Variants in SELENOO observed in about 807,000 individuals in gnomAD.
SELENOO encodes the protein selenoprotein O, also known as protein adenylyltransferase SelO, mitochondrial.
In SELENOO, 74 loss-of-function variants were observed where a neutral mutation model predicts 58.7. The ratio of observed to expected loss-of-function variants is 1.26; its 90% CI spans 1.04 to 1.53. The LOEUF (loss-of-function observed/expected upper bound fraction) is 1.53. SELENOO is among the 40% of genes most tolerant of loss of function. The pLI, the probability that SELENOO is intolerant of heterozygous loss-of-function variation, is 0.00. For synonymous variants in SELENOO, 543 were observed against 453.2 expected (o/e 1.20, Z -2.52); for missense variants, 1,149 against 970.0 (o/e 1.18, Z -2.45).
At chr22:50,210,398 C>A in intron 4 of SELENOO, 87 bp downstream of exon 4, 1 of 1,522,064 alleles carries the variant, frequency 6.6e-7, no homozygotes, top group Non-Finnish European at 8.9e-7. Context: ...AGGCACTGGC[C>A]CGTGATGCTT....
At chr22:50,215,598 A>C (rs2147167049) in intron 5 of SELENOO, 119 bp from the exon 6 acceptor site, 4 of 645,114 alleles carry the variant, frequency 6.2e-6, no homozygotes, top group Non-Finnish European at 9.5e-6. Flanking sequence ...GTGGTGGAGC[A>C]TGTGGGTGGG....
At chr22:50,203,122 C>A (rs900535979) in intron 1 of SELENOO, among the ~76,000 whole-genome samples, 3 of 152,152 alleles carry the variant, frequency 2.0e-5, no homozygotes, top group Non-Finnish European at 4.4e-5. Context: ...TCCTGTAATC[C>A]CAGCACTTTG....
Position 50,217,106 on chromosome 22 carries a change from C to T in SELENOO, c.1823C>T (p.Ala608Val). The T allele has an allele frequency of 1.9e-6, 3 of 1,612,978 alleles. No homozygotes were observed. The highest frequency in any genetic ancestry group is 2.5e-6 in the Non-Finnish European group (3 of 1,179,894). Residue 608 changes from alanine (A) to valine (V), a missense_variant, in exon 8 of 9, where the codon GCC becomes GTC. Ala to Val is a moderately conservative substitution (Grantham distance 64, BLOSUM62 0). Transcript: ENST00000380903. ...ATCGCGCAGAATGCCATCGAGGCTG[C>T]CGAGCGCGGGGACTTCTCAGAGGCA... ...NYIAQNAIEA[A>V]ERGDFSEVRR...
Position 50,215,713 on chromosome 22 carries a change from C to T in SELENOO, c.1352-4C>T. On this transcript the variant is annotated splice_region_variant and splice_polypyrimidine_tract_variant and intron_variant, in intron 5 of 8. Transcript: ENST00000380903. Reference sequence around the variant, plus strand: ...TCCAGCTCCCTGAGCAGCCTGTGTTCCAGGTGCCGACTTCACAAACACCTT... The same window carrying T: ...TCCAGCTCCCTGAGCAGCCTGTGTTTCAGGTGCCGACTTCACAAACACCTT... 6.3e-7 allele frequency: 1 copy of T among 1,586,042 alleles called. No individual in the cohort carries two copies. The highest frequency in any genetic ancestry group is 8.6e-7 in the Non-Finnish European group (1 of 1,160,416).
chr22:50,216,477 CCA>C, intron 6 of SELENOO, among the ~76,000 whole-genome samples: 1 of 152,360 alleles, frequency 6.6e-6, no homozygotes, highest in Non-Finnish European at 1.5e-5. Context: ...GCCCCTCGGC[CCA>C]CAAAGGGCCT....
At position 50,201,318 on chromosome 22, in the gene SELENOO, C is replaced by G; in HGVS notation, c.282C>G (p.Arg94=). Residue 94 remains arginine, a synonymous_variant, in exon 1 of 9, where the codon CGC becomes CGG. Transcript: ENST00000380903. The part of the protein sequence containing the change: ...RVQPTPLRQP[R]LVALSEPALA... ...AGCCCACCCCGCTGCGGCAGCCGCG[C>G]CTCGTGGCGCTGTCAGAGCCCGCGC... is the stretch of plus-strand genomic sequence containing the variant. 1 of 1,135,906 alleles carries G rather than the reference C, an allele frequency of 8.8e-7. No homozygotes were observed. Among genetic ancestry groups the G allele is most frequent in the Non-Finnish European group, 1.1e-6 (1 of 928,518 alleles). 70.4% of individuals were successfully genotyped at this position (1,135,906 alleles called of 1,614,324 possible).
In SELENOO at chr22:50,217,441, C is replaced by T; in HGVS notation, c.*72C>T. On this transcript the variant is annotated 3_prime_UTR_variant, in exon 9 of 9. Transcript: ENST00000380903. ...GTGCTGCTGAGTGGCCAAGATGATG[C>T]CAGGCTGCCCTATACACTGGGGGAT... is the stretch of plus-strand genomic sequence containing the variant. 1.3e-6 allele frequency: 2 copies of T among 1,544,264 alleles called. No homozygotes were observed. Among genetic ancestry groups the T allele is most frequent in the Non-Finnish European group, 8.8e-7 (1 of 1,137,576 alleles).
intron 5 of SELENOO, among the ~76,000 whole-genome samples, 167 bp from the exon 6 acceptor site, chr22:50,215,550 T>G (rs1254957674): frequency 7.0e-6 from 1 of 141,854 alleles, no homozygotes; most frequent in Non-Finnish European, 1.5e-5. Context: ...AGGGTGTGGG[T>G]CAGGGAGCGT....
chr22:50,206,388 T>C lies in SELENOO; in HGVS notation c.626T>C (p.Leu209Pro). Residue 209 changes from leucine to proline, a missense_variant, in exon 2 of 9, where the codon CTG becomes CCG. Leu to Pro is a moderately conservative substitution (Grantham distance 98, BLOSUM62 -3). Transcript: ENST00000380903. ...EFLCSEAMFHLGVPTTRAGAC... is the reference protein window; with the variant it reads ...EFLCSEAMFHPGVPTTRAGAC... ...CTATGCAGCGAAGCCATGTTCCACC[T>C]GGGAGTCCCCACCACACGGGCCGGC... 6.2e-7 allele frequency: 1 copy of C among 1,614,132 alleles called. No individual in the cohort carries two copies. Among genetic ancestry groups the C allele is most frequent in the Non-Finnish European group, 8.5e-7 (1 of 1,180,032 alleles).
intron 2 of SELENOO, among the ~76,000 whole-genome samples, chr22:50,208,298 C>T (rs1415530135): frequency 1.3e-5 from 2 of 152,012 alleles, no homozygotes; most frequent in South Asian, 2.1e-4. Flanking sequence ...GGCGTGGTGG[C>T]GTGTGCCTGT....
In SELENOO at chr22:50,206,295, T is replaced by C. The variant is rs367903155; in HGVS notation, c.555-22T>C. 11 of 1,611,140 alleles carry C rather than the reference T, an allele frequency of 6.8e-6. No homozygotes were observed. The South Asian group carries it at 1.1e-4, about 16-fold the overall frequency. On this transcript the variant is annotated intron_variant, in intron 1 of 8. Transcript: ENST00000380903. Reference sequence around the variant, plus strand: ...GTGACCTCCTGACCGGCCCACGTAGTGAACTCTGTGTTTGGTTTCAGACAG... The same window carrying C: ...GTGACCTCCTGACCGGCCCACGTAGCGAACTCTGTGTTTGGTTTCAGACAG...
Position 50,217,442 on chromosome 22 carries a change from C to T in SELENOO, c.*73C>T, listed in dbSNP as rs113378289. 1.8e-5 allele frequency: 28 copies of T among 1,547,768 alleles called. No homozygotes were observed. Among genetic ancestry groups the T allele is most frequent in the Non-Finnish European group, 2.5e-5 (28 of 1,140,594 alleles). ...TGCTGCTGAGTGGCCAAGATGATGC[C>T]AGGCTGCCCTATACACTGGGGGATT... On this transcript the variant is annotated 3_prime_UTR_variant, in exon 9 of 9. Coordinates refer to ENST00000380903, the MANE Select transcript of SELENOO (RefSeq NM_031454.2).
intron 8 of SELENOO, 31 bp from the exon 9 acceptor site, chr22:50,217,174 C>T (rs2064423508): frequency 6.2e-7 from 1 of 1,611,258 alleles, no homozygotes; most frequent in African/African-American, 1.3e-5. Context: ...GGGGTCGGCC[C>T]CAGACCCCTC....
At chr22:50,215,911 G>A in intron 6 of SELENOO, 44 bp downstream of exon 6, 2 of 1,542,306 alleles carry the variant, frequency 1.3e-6, no homozygotes, top group Non-Finnish European at 1.8e-6. Flanking sequence ...TTCCAGAAAA[G>A]GAAGCATAAT....
At chr22:50,210,386 C>T in intron 4 of SELENOO, 75 bp downstream of exon 4, 1 of 1,549,530 alleles carries the variant, frequency 6.5e-7, no homozygotes, top group Non-Finnish European at 8.8e-7. Flanking sequence ...CCTGCTGCCC[C>T]CAGGCACTGG....
rs1164161028 is a variant in SELENOO, at chr22:50,217,451, C to T, written c.*82C>T. ...GTGGCCAAGATGATGCCAGGCTGCC[C>T]TATACACTGGGGGATTCTGCCCTGG... is the stretch of plus-strand genomic sequence containing the variant. On this transcript the variant is annotated 3_prime_UTR_variant, in exon 9 of 9. Coordinates refer to ENST00000380903, the MANE Select transcript of SELENOO (RefSeq NM_031454.2). 5 of 1,508,200 alleles carry T rather than the reference C, an allele frequency of 3.3e-6. No homozygotes were observed. The East Asian group carries it at 9.5e-5, about 29-fold the overall frequency. The allele number at this position is 1,508,200 out of a possible 1,614,324, so 93.4% of individuals were successfully genotyped here. A position where few individuals can be genotyped will look rare whatever the true frequency, so the allele number is the denominator to read the frequency against.
chr22:50,210,325 GGGCCCAGCAAAGTGCA>G lies in SELENOO; in HGVS notation c.1070+20_1070+35del, dbSNP rs1569102746. Reference sequence around the variant, plus strand: ...CTTCCTGGACAGGTAAGTGGCCCTGGGGCCCAGCAAAGTGCAGGCCCCAGGGCTGGGGGGTGCGGGC... The same window carrying G: ...CTTCCTGGACAGGTAAGTGGCCCTGGGGCCCCAGGGCTGGGGGGTGCGGGC... On this transcript the variant is annotated intron_variant, in intron 4 of 8. Transcript: ENST00000380903. The G allele has an allele frequency of 6.2e-7, 1 of 1,612,372 alleles. No homozygotes were observed. Among genetic ancestry groups the G allele is most frequent in the Non-Finnish European group, 8.5e-7 (1 of 1,179,674 alleles).
intron 3 of SELENOO, among the ~76,000 whole-genome samples, chr22:50,209,782 G>A (rs1257160146): frequency 6.6e-6 from 1 of 151,756 alleles, no homozygotes; most frequent in Non-Finnish European, 1.5e-5. Flanking sequence ...GGTGGGGACT[G>A]CTGTCTGGTT....
chr22:50,215,587 G>C (rs1033224169), intron 5 of SELENOO, 130 bp from the exon 6 acceptor site: 2 of 674,370 alleles, frequency 3.0e-6, no homozygotes, highest in Non-Finnish European at 4.9e-6. Context: ...GGTGGGGGGC[G>C]GTGGTGGAGC....
Sources: allele counts gnomAD v4.1 joint callset (sites outside exome capture counted in the v4.1 genomes callset), GRCh38; gene constraint gnomAD v4.1.1; transcripts MANE v1.5; gene names NCBI Gene and HGNC (gene_info 2026-07-23, HGNC 2026-07-21).